MYLK: variants seen among roughly 807,000 people sequenced by gnomAD.
MYLK encodes the protein myosin light chain kinase, smooth muscle.
Under a neutral mutation model 203.4 loss-of-function variants are expected in MYLK, and 106 were observed. That is an observed-to-expected ratio of 0.52 (90% CI 0.45 to 0.61). The LOEUF (loss-of-function observed/expected upper bound fraction) is 0.61. Ranked by LOEUF, MYLK falls within the 20% of genes least tolerant of loss-of-function variation. MYLK has a pLI of 0.00. For missense variants in MYLK, 2,072 were observed against 2,442.3 expected, an observed-to-expected ratio of 0.85 and a Z score of 3.20; for synonymous variants, 867 against 959.5, an observed-to-expected ratio of 0.90 and a Z score of 1.78.
chr3:123,616,629 G>A (rs1321898249), intron 33 of MYLK: 3 of 152,166 alleles, frequency 2.0e-5, no homozygotes, highest in Admixed American at 6.5e-5. Context: ...TGTTGGAGGT[G>A]GGGCCTGGTG....
At chr3:123,775,378 T>G (rs572240691) in intron 4 of MYLK, among the ~76,000 whole-genome samples, 30 of 152,334 alleles carry the variant, frequency 2.0e-4, no homozygotes, top group African/African-American at 6.7e-4. Flanking sequence ...TTCAGGAAAG[T>G]GTGTGCATGC....
At chr3:123,798,416 T>G (rs1439811101) in intron 3 of MYLK, among the ~76,000 whole-genome samples, 1 of 152,120 alleles carries the variant, frequency 6.6e-6, no homozygotes, top group Non-Finnish European at 1.5e-5. Context: ...AGGCCTGGCT[T>G]TGAAGACACA....
intron 2 of MYLK, among the ~76,000 whole-genome samples, chr3:123,840,644 AC>A (rs2066570666): frequency 6.6e-6 from 1 of 151,836 alleles, no homozygotes; most frequent in Non-Finnish European, 1.5e-5. Context: ...AAATATAAAC[AC>A]AAAAATCCTC....
chr3:123,671,206 A>T (rs113938780), intron 20 of MYLK, among the ~76,000 whole-genome samples: 15 of 152,384 alleles, frequency 9.8e-5, no homozygotes, highest in African/African-American at 2.6e-4. Flanking sequence ...TAGAATTAGG[A>T]GTACAAGATT....
chr3:123,796,175 T>C (rs1275499638), intron 3 of MYLK, among the ~76,000 whole-genome samples: 1 of 152,196 alleles, frequency 6.6e-6, no homozygotes, highest in Non-Finnish European at 1.5e-5. Flanking sequence ...TTCCAAGCCC[T>C]TTATAAATAA....
chr3:123,802,144 C>A (rs1560236958), intron 3 of MYLK, among the ~76,000 whole-genome samples: 1 of 152,190 alleles, frequency 6.6e-6, no homozygotes, highest in African/African-American at 2.4e-5. Flanking sequence ...TCAGATGGTA[C>A]CTCATGATAG....
chr3:123,839,483 A>G (rs569950507), intron 2 of MYLK, among the ~76,000 whole-genome samples: 3 of 152,214 alleles, frequency 2.0e-5, no homozygotes, highest in African/African-American at 7.2e-5. Context: ...TCATAATGAT[A>G]AAAGGATCAA....
chr3:123,627,133 A>G (rs1323674778), intron 30 of MYLK, among the ~76,000 whole-genome samples, 192 bp from the exon 31 acceptor site: 2 of 152,126 alleles, frequency 1.3e-5, no homozygotes, highest in Non-Finnish European at 2.9e-5. Flanking sequence ...GGTCACACTA[A>G]CCAGAACCAG....
intron 16 of MYLK, among the ~76,000 whole-genome samples, chr3:123,703,622 T>C (rs255184): frequency 0.91 from 137,984 of 152,204 alleles, 64,094 homozygotes; most frequent in East Asian, 1. Flanking sequence ...AGGTCCTCAG[T>C]GTGCCCCGAG....
At position 123,770,573 on chromosome 3, in the gene MYLK, C is replaced by T. The variant is rs567167165; in HGVS notation, c.166-18035G>A. ...AGACTGCGTCCAGGTACAAGTGCCA[C>T]GTGTTAATAGGATATTGAGGAAGCG... On this transcript the variant is annotated intron_variant, in intron 4 of 33. Transcript: ENST00000360304. Among the ~76,000 whole-genome samples, 8 of 152,262 alleles carry T rather than the reference C, an allele frequency of 5.3e-5. No individual in the cohort carries two copies. In the South Asian group the frequency reaches 1.0e-3, roughly 20 times the overall value.
chr3:123,811,103 TGA>T (rs1560247436), intron 3 of MYLK, among the ~76,000 whole-genome samples: 2 of 152,326 alleles, frequency 1.3e-5, no homozygotes, highest in Non-Finnish European at 2.9e-5. Context: ...AATGATCAAC[TGA>T]GAGCACAGCC....
chr3:123,836,232 C>T (rs1332675001), intron 2 of MYLK, among the ~76,000 whole-genome samples: 1 of 152,136 alleles, frequency 6.6e-6, no homozygotes, highest in Non-Finnish European at 1.5e-5. Flanking sequence ...TTTTCCCTTG[C>T]CCCTTCAACT....
At chr3:123,799,824 G>C (rs72972339) in intron 3 of MYLK, 1 of 152,240 alleles carries the variant, frequency 6.6e-6, no homozygotes, top group Non-Finnish European at 1.5e-5. Context: ...ACCAGTGAAC[G>C]GGACACACCT....
At chr3:123,704,881 C>T (rs1358769624) in intron 16 of MYLK, among the ~76,000 whole-genome samples, 4 of 152,080 alleles carry the variant, frequency 2.6e-5, no homozygotes, top group Admixed American at 2.0e-4. Flanking sequence ...GATCGTGCCA[C>T]TGCACTCCAG....
At chr3:123,842,542 A>G (rs1391365359) in intron 2 of MYLK, among the ~76,000 whole-genome samples, 1 of 152,232 alleles carries the variant, frequency 6.6e-6, no homozygotes. Context: ...TACTCTTTTC[A>G]AACACATAGA....
chr3:123,730,155 G>A (rs2062426528), intron 11 of MYLK, among the ~76,000 whole-genome samples: 1 of 152,092 alleles, frequency 6.6e-6, no homozygotes, highest in South Asian at 2.1e-4. Flanking sequence ...TTGAGCCCAG[G>A]AGTTCAAGGT....
At chr3:123,771,795 A>G (rs2063892762) in intron 4 of MYLK, among the ~76,000 whole-genome samples, 1 of 152,220 alleles carries the variant, frequency 6.6e-6, no homozygotes, top group Admixed American at 6.5e-5. Flanking sequence ...TACAGTTGGC[A>G]AATTCATCTA....
Position 123,629,697 on chromosome 3 carries a change from G to A in MYLK, c.4962-71C>T. 1 of 1,572,782 alleles carries A rather than the reference G, an allele frequency of 6.4e-7. No homozygotes were observed. Among genetic ancestry groups the A allele is most frequent in the Non-Finnish European group, 8.7e-7 (1 of 1,145,490 alleles). ...CGACGACCAGGTGAGTGGTAACTGAGGTCAAAGGCGAGGGTCGGCCAGCCT... is the reference window on the plus strand; with the variant it reads ...CGACGACCAGGTGAGTGGTAACTGAAGTCAAAGGCGAGGGTCGGCCAGCCT... On this transcript the variant is annotated intron_variant, in intron 29 of 33. Coordinates refer to ENST00000360304, the MANE Select transcript of MYLK (RefSeq NM_053025.4). This position sits in a 1 kb window ranked among gnomAD's most constrained non-coding sequence, Gnocchi z 4.4.
intron 29 of MYLK, among the ~76,000 whole-genome samples, chr3:123,637,802 C>G (rs557896110): frequency 3.3e-5 from 5 of 152,080 alleles, no homozygotes; most frequent in Non-Finnish European, 7.4e-5. Context: ...GGCTGGCCAG[C>G]CTTGGGGACA....
Sources: gnomAD v4.1 joint callset for allele counts (sites outside exome capture counted in the v4.1 genomes callset) on GRCh38, gnomAD v4.1.1 for gene constraint, Gnocchi (gnomAD v3.1) non-coding constraint, MANE v1.5 for transcripts, NCBI Gene and HGNC (gene_info 2026-07-23, HGNC 2026-07-21) for gene names.